Variants in MACROD2 observed in about 807,000 individuals in gnomAD.
MACROD2 encodes mono-ADP ribosylhydrolase 2.
A neutral mutation model predicts 70.4 loss-of-function variants in MACROD2; 36 were observed. The observed-to-expected ratio is 0.51, with a 90% CI of 0.39 to 0.68. MACROD2 has a LOEUF of 0.68. Ranked by LOEUF, MACROD2 falls within the 30% of genes least tolerant of loss-of-function variation. The probability of loss-of-function intolerance (pLI) is 0.00; values close to 1 mark genes in which losing one functional copy is unlikely to be tolerated. For missense variants in MACROD2, 496 were observed against 538.4 expected (o/e 0.92, Z 0.78); for synonymous variants, 172 against 178.8 (o/e 0.96, Z 0.30).
chr20:14,999,197 C>G (rs1477396907), intron 5 of MACROD2, among the ~76,000 whole-genome samples: 1 of 152,124 alleles, frequency 6.6e-6, no homozygotes, highest in Non-Finnish European at 1.5e-5. Flanking sequence ...CATCTGAAGG[C>G]ACAAAACTCA....
intron 4 of MACROD2, among the ~76,000 whole-genome samples, chr20:14,512,837 T>G (rs2085045830): frequency 6.6e-6 from 1 of 152,078 alleles, no homozygotes; most frequent in Non-Finnish European, 1.5e-5. Context: ...TTTTTTTCTG[T>G]CTTGGTTTCA....
intron 4 of MACROD2, among the ~76,000 whole-genome samples, chr20:14,542,623 G>A (rs1339292026): frequency 1.3e-5 from 2 of 152,076 alleles, no homozygotes; most frequent in Non-Finnish European, 1.5e-5. Context: ...AAGTATTTAA[G>A]GAGAATTTTT....
intron 3 of MACROD2, among the ~76,000 whole-genome samples, chr20:14,382,603 G>C (rs1388592899): frequency 6.6e-6 from 1 of 151,996 alleles, no homozygotes; most frequent in Non-Finnish European, 1.5e-5. Context: ...AGGTGGCGGA[G>C]GTTGCGGTGA....
chr20:16,023,143 C>G (rs1188383908), intron 15 of MACROD2, among the ~76,000 whole-genome samples: 1 of 151,948 alleles, frequency 6.6e-6, no homozygotes, highest in East Asian at 1.9e-4. Context: ...TATAAGACAA[C>G]AAAGAGCACT....
intron 7 of MACROD2, 72 bp from the exon 8 acceptor site, chr20:15,499,702 T>C: frequency 7.3e-7 from 1 of 1,364,316 alleles, no homozygotes. Flanking sequence ...AACTCCAGTA[T>C]CATAGCGTGA....
chr20:14,049,861 A>G (rs1329749032), intron 2 of MACROD2, among the ~76,000 whole-genome samples: 1 of 152,134 alleles, frequency 6.6e-6, no homozygotes, highest in East Asian at 1.9e-4. Flanking sequence ...AGGCAGGCAG[A>G]TCACCTGAGT....
chr20:14,368,448 C>A lies in MACROD2; in HGVS notation c.272-125031C>A, dbSNP rs558262510. Reference sequence around the variant, plus strand: ...GTCCCAGCTACTCAGGAGGCTGAGGCAGGAGAATGGCATGAACCCGGAAGG... The same window carrying A: ...GTCCCAGCTACTCAGGAGGCTGAGGAAGGAGAATGGCATGAACCCGGAAGG... On this transcript the variant is annotated intron_variant, in intron 3 of 17. Transcript: ENST00000684519. Among the ~76,000 whole-genome samples the A allele has an allele frequency of 9.9e-5, 15 of 151,826 alleles. No individual in the cohort carries two copies. In the South Asian group the frequency reaches 2.9e-3, roughly 29 times the overall value.
chr20:14,954,876 T>C (rs1184486158), intron 5 of MACROD2, among the ~76,000 whole-genome samples: 8 of 2,544 alleles, frequency 3.1e-3, no homozygotes, highest in African/African-American at 5.7e-3. Context: ...TATTATATAA[T>C]TATTTAATTA....
chr20:14,134,800 T>A (rs1297083742), intron 3 of MACROD2, among the ~76,000 whole-genome samples: 1 of 4,422 alleles, frequency 2.3e-4, no homozygotes, highest in East Asian at 5.5e-3. Flanking sequence ...AGACTCCGTG[T>A]CAAAAAAAAA....
At chr20:15,141,460 T>C (rs1178462037) in intron 5 of MACROD2, among the ~76,000 whole-genome samples, 3 of 152,210 alleles carry the variant, frequency 2.0e-5, no homozygotes, top group African/African-American at 7.2e-5. Flanking sequence ...TGAAATCAAG[T>C]GATCTGGCTC....
intron 3 of MACROD2, among the ~76,000 whole-genome samples, chr20:14,465,293 C>A (rs981587444): frequency 3.3e-5 from 5 of 151,962 alleles, no homozygotes; most frequent in African/African-American, 1.2e-4. Context: ...TATGTAATGG[C>A]CTTCTTTGTC....
chr20:14,383,282 C>G (rs950819567), intron 3 of MACROD2, among the ~76,000 whole-genome samples: 4 of 148,760 alleles, frequency 2.7e-5, no homozygotes, highest in Non-Finnish European at 4.4e-5. Flanking sequence ...ATTTTTAGAG[C>G]AGTAATTTGT....
intron 3 of MACROD2, among the ~76,000 whole-genome samples, chr20:14,209,553 T>C (rs564890097): frequency 6.6e-6 from 1 of 152,214 alleles, no homozygotes; most frequent in South Asian, 2.1e-4. Flanking sequence ...CTTCAAAATA[T>C]AAAATGGCTT....
chr20:14,662,354 C>A (rs1370483294), intron 4 of MACROD2, among the ~76,000 whole-genome samples: 3 of 152,054 alleles, frequency 2.0e-5, no homozygotes, highest in Non-Finnish European at 2.9e-5. Flanking sequence ...GGATTAGAGA[C>A]TTCAATGTAA....
intron 15 of MACROD2, among the ~76,000 whole-genome samples, chr20:15,993,200 G>A (rs2147484376): frequency 6.6e-6 from 1 of 151,318 alleles, no homozygotes; most frequent in South Asian, 2.1e-4. Flanking sequence ...GAATCATTAA[G>A]ATGTTAAAAC....
Position 13,995,866 on chromosome 20 carries a change from G to T in MACROD2, c.46+57G>T. The T allele has an allele frequency of 1.4e-6, 2 of 1,478,964 alleles. No homozygotes were observed. Among genetic ancestry groups the T allele is most frequent in the South Asian group, 1.2e-5 (1 of 82,630 alleles). 91.6% of individuals were successfully genotyped at this position (1,478,964 alleles called of 1,614,324 possible). A position where few individuals can be genotyped will look rare whatever the true frequency, so the allele number is the denominator to read the frequency against. ...GCGGTGGGGGTTAGGGTGGGGGCGG[G>T]GGTCAGGCTGTGTGTGCCGCGGCGC... On this transcript the variant is annotated intron_variant, in intron 1 of 17. Transcript: ENST00000684519. This position sits in a 1 kb window ranked among gnomAD's most constrained non-coding sequence, Gnocchi z 4.3.
chr20:15,465,008 C>T (rs1281108294), intron 7 of MACROD2, among the ~76,000 whole-genome samples: 3 of 152,130 alleles, frequency 2.0e-5, no homozygotes, highest in Non-Finnish European at 4.4e-5. Context: ...CTACCCTCAG[C>T]ATATTCCCCA....
chr20:14,416,149 G>T (rs534860555), intron 3 of MACROD2, among the ~76,000 whole-genome samples: 50 of 152,016 alleles, frequency 3.3e-4, no homozygotes, highest in Admixed American at 5.2e-4. Flanking sequence ...AGTAGAGATG[G>T]GGCTTCACCA....
chr20:15,477,489 A>G (rs2047038537), intron 7 of MACROD2, among the ~76,000 whole-genome samples: 1 of 152,010 alleles, frequency 6.6e-6, no homozygotes, highest in Non-Finnish European at 1.5e-5. Flanking sequence ...TTTGACGGGT[A>G]TGTGCGAGTT....
Sources: gnomAD v4.1 joint callset for allele counts (sites outside exome capture counted in the v4.1 genomes callset) on GRCh38, gnomAD v4.1.1 for gene constraint, Gnocchi (gnomAD v3.1) non-coding constraint, MANE v1.5 for transcripts, NCBI Gene and HGNC (gene_info 2026-07-23, HGNC 2026-07-21) for gene names.